Variants in SPAG16 observed in about 807,000 individuals in gnomAD.
The protein encoded by SPAG16 is sperm-associated antigen 16 protein.
SPAG16 carries 86 observed loss-of-function variants against 80.4 expected under a neutral mutation model. The ratio of observed to expected loss-of-function variants is 1.07; its 90% CI spans 0.90 to 1.28. The LOEUF (loss-of-function observed/expected upper bound fraction) is 1.28, where lower values mean the gene tolerates loss of function less well. Ranked by LOEUF, SPAG16 falls within the 50% of genes most tolerant of loss-of-function variation. The pLI is 0.00. For missense variants in SPAG16, 870 were observed against 765.3 expected, an observed-to-expected ratio of 1.14 and a Z score of -1.61; for synonymous variants, 294 against 265.9, an observed-to-expected ratio of 1.11 and a Z score of -1.03.
chr2:213,736,359 T>C (rs13398806), intron 10 of SPAG16, among the ~76,000 whole-genome samples: 12 of 151,918 alleles, frequency 7.9e-5, no homozygotes, highest in Non-Finnish European at 1.8e-4. Context: ...AGTGGTGTGA[T>C]CTCGGCTCAC....
intron 10 of SPAG16, among the ~76,000 whole-genome samples, chr2:213,522,279 G>A (rs751563639): frequency 2.6e-5 from 4 of 152,174 alleles, no homozygotes; most frequent in South Asian, 2.1e-4. Flanking sequence ...TCCATTATTC[G>A]AAAGCTTTAT....
intron 14 of SPAG16, among the ~76,000 whole-genome samples, chr2:214,128,096 A>G (rs2125484830): frequency 6.6e-6 from 1 of 152,034 alleles, no homozygotes; most frequent in African/African-American, 2.4e-5. Flanking sequence ...TAAAATTATC[A>G]GTGTAGGCTT....
chr2:213,988,675 T>C (rs6744864), intron 12 of SPAG16, among the ~76,000 whole-genome samples: 22,774 of 150,446 alleles, frequency 0.15, 2,880 homozygotes, highest in African/African-American at 0.36. Context: ...TTAGATTTTT[T>C]TAAATTAAAA....
intron 9 of SPAG16, among the ~76,000 whole-genome samples, chr2:213,444,072 G>A (rs1274195025): frequency 6.6e-6 from 1 of 152,126 alleles, no homozygotes; most frequent in Non-Finnish European, 1.5e-5. Flanking sequence ...GGAAGTACAC[G>A]TGCATCCATT....
chr2:213,703,704 G>T (rs1202335513), intron 10 of SPAG16, among the ~76,000 whole-genome samples: 1 of 152,180 alleles, frequency 6.6e-6, no homozygotes, highest in African/African-American at 2.4e-5. Context: ...CGGAGGTCAT[G>T]CTCTCCTCAG....
chr2:213,386,615 T>G (rs1489910129), intron 9 of SPAG16, among the ~76,000 whole-genome samples: 3 of 152,224 alleles, frequency 2.0e-5, no homozygotes, highest in African/African-American at 7.2e-5. Context: ...AGCTTGTTGA[T>G]ATTCCATGAT....
chr2:213,635,477 T>C (rs1433781826), intron 10 of SPAG16, among the ~76,000 whole-genome samples: 1 of 152,238 alleles, frequency 6.6e-6, no homozygotes, highest in East Asian at 1.9e-4. Context: ...TTTAGTTTTT[T>C]CAGGAATCTC....
At chr2:213,887,762 C>T (rs114668188) in intron 11 of SPAG16, among the ~76,000 whole-genome samples, 1,578 of 151,544 alleles carry the variant, frequency 0.01, 35 homozygotes, top group African/African-American at 0.035. Flanking sequence ...CAGCTGCCAA[C>T]ATGTAAAGAA....
At chr2:213,360,414 G>C (rs747648048) in intron 7 of SPAG16, among the ~76,000 whole-genome samples, 6 of 152,182 alleles carry the variant, frequency 3.9e-5, no homozygotes, top group Non-Finnish European at 8.8e-5. Flanking sequence ...AAACTGCTAA[G>C]TGGCCAAAGC....
At chr2:214,284,797 CTGTGTGTGTG>C (rs34221048) in intron 15 of SPAG16, among the ~76,000 whole-genome samples, 21,233 of 149,786 alleles carry the variant, frequency 0.14, 2,678 homozygotes, top group African/African-American at 0.34. Context: ...ATATTTTACT[CTGTGTGTGTG>C]TGTGTGTGTG....
In SPAG16 at chr2:213,756,241, G is replaced by A. The variant is rs2068324066; in HGVS notation, c.1071-106244G>A. On this transcript the variant is annotated intron_variant, in intron 10 of 15. Transcript: ENST00000331683. ...CATGCATGTAATCCTAGCACTTTGG[G>A]AGGCCGAGGCAGGTGGATCACCTGA... is the stretch of plus-strand genomic sequence containing the variant. Among the ~76,000 whole-genome samples, 9 of 152,310 alleles carry A rather than the reference G, an allele frequency of 5.9e-5. No homozygotes were observed. In the South Asian group the frequency reaches 1.9e-3, roughly 32 times the overall value.
chr2:213,668,145 G>T (rs908777956), intron 10 of SPAG16, among the ~76,000 whole-genome samples: 3 of 151,874 alleles, frequency 2.0e-5, no homozygotes, highest in Non-Finnish European at 4.4e-5. Flanking sequence ...CACCATGTTG[G>T]CCAGGCTGGT....
chr2:214,171,796 T>A (rs1022156353), intron 15 of SPAG16, among the ~76,000 whole-genome samples: 2 of 151,990 alleles, frequency 1.3e-5, no homozygotes, highest in Non-Finnish European at 2.9e-5. Flanking sequence ...TATCATAAAA[T>A]TCCTTAAGAA....
chr2:213,882,286 G>T lies in SPAG16; in HGVS notation c.1214+19658G>T, dbSNP rs114805985. ...TATTCATCAGGGATACTGACCCAAA[G>T]ATCCTTTTTTTATTTTTGTTTCTCT... On this transcript the variant is annotated intron_variant, in intron 11 of 15. Transcript: ENST00000331683. Among the ~76,000 whole-genome samples the T allele has an allele frequency of 4.7e-3, 713 of 152,226 alleles. 7 individuals carry two copies. Among genetic ancestry groups the T allele is most frequent in the African/African-American group, 0.017 (686 of 41,540 alleles).
chr2:213,595,091 G>A (rs567427104), intron 10 of SPAG16, among the ~76,000 whole-genome samples: 79 of 151,568 alleles, frequency 5.2e-4, no homozygotes, highest in Non-Finnish European at 9.9e-4. Flanking sequence ...TACTAGATAA[G>A]CTTTCTCAAG....
intron 5 of SPAG16, among the ~76,000 whole-genome samples, chr2:213,330,022 G>A (rs2064018909): frequency 6.6e-6 from 1 of 152,328 alleles, no homozygotes; most frequent in Admixed American, 6.5e-5. Flanking sequence ...GAATTGAGGT[G>A]TGTGGCCTCT....
intron 15 of SPAG16, among the ~76,000 whole-genome samples, chr2:214,334,986 A>G (rs1271643906): frequency 1.3e-5 from 2 of 152,210 alleles, no homozygotes. Flanking sequence ...GCAGAGATTT[A>G]TATGTCAAAG....
At chr2:213,923,225 G>A (rs187728439) in intron 11 of SPAG16, among the ~76,000 whole-genome samples, 55 of 152,294 alleles carry the variant, frequency 3.6e-4, no homozygotes, top group African/African-American at 1.2e-3. Context: ...CTTTCTGGGA[G>A]CTTCCTAGGA....
chr2:214,394,845 T>A (rs1701274044), intron 15 of SPAG16, among the ~76,000 whole-genome samples: 1 of 152,202 alleles, frequency 6.6e-6, no homozygotes, highest in Admixed American at 6.5e-5. Context: ...GGCCTAAAAA[T>A]CCTCTGTGCT....
Sources: gnomAD v4.1 joint callset for allele counts (sites outside exome capture counted in the v4.1 genomes callset) on GRCh38, gnomAD v4.1.1 for gene constraint, MANE v1.5 for transcripts, NCBI Gene and HGNC (gene_info 2026-07-23, HGNC 2026-07-21) for gene names.